Variants in INVS observed in about 807,000 individuals in gnomAD.
INVS encodes inversin.
In INVS, 86 loss-of-function variants were observed where a neutral mutation model predicts 108.8. The ratio of observed to expected loss-of-function variants is 0.79; its 90% CI spans 0.66 to 0.95. The LOEUF (loss-of-function observed/expected upper bound fraction) is 0.95, where lower values mean the gene tolerates loss of function less well. INVS is among the 40% of genes least tolerant of loss of function. The pLI, the probability that INVS is intolerant of heterozygous loss-of-function variation, is 0.00. For synonymous variants in INVS, 455 were observed against 473.5 expected, an observed-to-expected ratio of 0.96 and a Z score of 0.51; for missense variants, 1,169 against 1,297.4, an observed-to-expected ratio of 0.90 and a Z score of 1.52.
intron 3 of INVS, among the ~76,000 whole-genome samples, chr9:100,187,400 T>A (rs1830084866): frequency 1.3e-5 from 2 of 152,160 alleles, no homozygotes; most frequent in Admixed American, 6.5e-5. Context: ...ATGATGTTGG[T>A]ATTTTTATCA....
At chr9:100,117,912 C>T (rs371076396) in intron 2 of INVS, among the ~76,000 whole-genome samples, 1 of 152,030 alleles carries the variant, frequency 6.6e-6, no homozygotes, top group Non-Finnish European at 1.5e-5. Flanking sequence ...CTCAAGCCCT[C>T]TTTTTCATGT....
chr9:100,194,924 G>T (rs1051037115), intron 3 of INVS, among the ~76,000 whole-genome samples: 2 of 152,114 alleles, frequency 1.3e-5, no homozygotes, highest in Non-Finnish European at 2.9e-5. Flanking sequence ...GCAGAAAGTT[G>T]CCCACTGGGG....
intron 12 of INVS, among the ~76,000 whole-genome samples, chr9:100,275,653 T>C (rs2118683877): frequency 1.3e-5 from 2 of 152,324 alleles, no homozygotes; most frequent in Middle Eastern, 6.8e-3. Context: ...GGTGTACCTT[T>C]CCCAGTTTAT....
chr9:100,108,298 T>C (rs1827239748), intron 2 of INVS, among the ~76,000 whole-genome samples: 1 of 152,194 alleles, frequency 6.6e-6, no homozygotes. Flanking sequence ...CTAATAAACT[T>C]ATTTATAAAT....
Position 100,300,684 on chromosome 9 carries a change from G to C in INVS, c.*10G>C. 4 of 1,580,558 alleles carry C rather than the reference G, an allele frequency of 2.5e-6. No individual in the cohort carries two copies. The highest frequency in any genetic ancestry group is 3.5e-6 in the Non-Finnish European group (4 of 1,150,458). On this transcript the variant is annotated 3_prime_UTR_variant, in exon 17 of 17. Transcript: ENST00000262457. ...CAAAACAAAACCTTGACTGCCTATG[G>C]AGGAAGACTGTGTTCGGGGGAGCTG...
rs566182375 is a variant in INVS, at chr9:100,221,084, T to C, written c.274-4978T>C. ...CAGTTCAAGAAATACCGAGGAAGTA[T>C]TTAGACTTTCTGTAATGAGAAGGTT... On this transcript the variant is annotated intron_variant, in intron 3 of 16. Transcript: ENST00000262457. 4.3e-4 allele frequency among the ~76,000 whole-genome samples: 66 copies of C among 152,244 alleles called. No individual in the cohort carries two copies. In the South Asian group the frequency reaches 0.013, roughly 30 times the overall value.
At chr9:100,172,922 T>G (rs1184898263) in intron 3 of INVS, among the ~76,000 whole-genome samples, 1 of 152,140 alleles carries the variant, frequency 6.6e-6, no homozygotes, top group Non-Finnish European at 1.5e-5. Flanking sequence ...ATCACTAGAT[T>G]TGAAATCACT....
At chr9:100,189,035 T>C (rs1830139536) in intron 3 of INVS, among the ~76,000 whole-genome samples, 1 of 151,960 alleles carries the variant, frequency 6.6e-6, no homozygotes, top group Non-Finnish European at 1.5e-5. Context: ...TGATGTCTTT[T>C]TGTATTTCTG....
chr9:100,263,008 C>T (rs372633704), intron 10 of INVS, among the ~76,000 whole-genome samples: 3 of 152,238 alleles, frequency 2.0e-5, no homozygotes, highest in East Asian at 1.9e-4. Context: ...CCTCAGCCTA[C>T]GAAAGTGCTA....
intron 13 of INVS, among the ~76,000 whole-genome samples, chr9:100,287,552 G>A (rs1833486666): frequency 6.6e-6 from 1 of 152,172 alleles, no homozygotes; most frequent in East Asian, 1.9e-4. Flanking sequence ...CAGTGTTCGG[G>A]GAGGGACTTG....
At chr9:100,155,823 G>A (rs923289835) in intron 3 of INVS, among the ~76,000 whole-genome samples, 3 of 152,196 alleles carry the variant, frequency 2.0e-5, no homozygotes, top group South Asian at 2.1e-4. Flanking sequence ...GATGAAGCAA[G>A]TGAATATGTC....
At chr9:100,122,511 T>C (rs1337230692) in intron 2 of INVS, among the ~76,000 whole-genome samples, 6 of 151,652 alleles carry the variant, frequency 4.0e-5, no homozygotes, top group African/African-American at 1.5e-4. Flanking sequence ...TTCATTAGTA[T>C]TTATTATAGT....
chr9:100,286,118 T>C lies in INVS; in HGVS notation c.2068+1515T>C, dbSNP rs111863282. On this transcript the variant is annotated intron_variant, in intron 13 of 16. Coordinates refer to ENST00000262457, the MANE Select transcript of INVS (RefSeq NM_014425.5). ...TTAGCTATAAAGTGAGGGTATACTTTCTACACCACAAGGTAGCTATGGATA... is the reference window on the plus strand; with the variant it reads ...TTAGCTATAAAGTGAGGGTATACTTCCTACACCACAAGGTAGCTATGGATA... 5.3e-3 allele frequency among the ~76,000 whole-genome samples: 814 copies of C among 152,336 alleles called. 9 individuals carry two copies. The highest frequency in any genetic ancestry group is 0.018 in the African/African-American group (747 of 41,568).
intron 10 of INVS, among the ~76,000 whole-genome samples, chr9:100,254,228 CTGTT>C (rs1832340291): frequency 6.6e-6 from 1 of 152,160 alleles, no homozygotes; most frequent in Non-Finnish European, 1.5e-5. Flanking sequence ...AGAGAAGTGT[CTGTT>C]CATGTCCTTC....
intron 5 of INVS, among the ~76,000 whole-genome samples, chr9:100,234,437 C>T (rs1178431159): frequency 6.6e-6 from 1 of 151,954 alleles, no homozygotes; most frequent in African/African-American, 2.4e-5. Flanking sequence ...TGATTCTCTA[C>T]TTGTTTTAAT....
chr9:100,251,704 G>A (rs2787390), intron 8 of INVS, among the ~76,000 whole-genome samples: 11,495 of 152,208 alleles, frequency 0.076, 597 homozygotes, highest in Non-Finnish European at 0.1. Context: ...TTCTTAAATT[G>A]AGCCCTGGGG....
intron 3 of INVS, among the ~76,000 whole-genome samples, chr9:100,145,178 T>C (rs1390719308): frequency 6.6e-6 from 1 of 151,630 alleles, no homozygotes; most frequent in Non-Finnish European, 1.5e-5. Flanking sequence ...GGGTGGAAGG[T>C]TGCCCATAGT....
At chr9:100,193,134 T>C (rs996004079) in intron 3 of INVS, among the ~76,000 whole-genome samples, 20 of 152,146 alleles carry the variant, frequency 1.3e-4, no homozygotes, top group Admixed American at 1.2e-3. Context: ...TGTGCCACCA[T>C]ACCCAGCTAA....
At chr9:100,232,479 A>G (rs919357479) in intron 5 of INVS, among the ~76,000 whole-genome samples, 4 of 151,928 alleles carry the variant, frequency 2.6e-5, no homozygotes, top group Non-Finnish European at 5.9e-5. Flanking sequence ...CATTTTTATG[A>G]TTTTAGGTCT....
Sources: allele counts gnomAD v4.1 joint callset (sites outside exome capture counted in the v4.1 genomes callset), GRCh38; gene constraint gnomAD v4.1.1; transcripts MANE v1.5; gene names NCBI Gene and HGNC (gene_info 2026-07-23, HGNC 2026-07-21).